ADGRB1: variants seen among roughly 807,000 people sequenced by gnomAD.
ADGRB1 encodes adhesion G protein-coupled receptor B1.
In ADGRB1, 36 loss-of-function variants were observed where a neutral mutation model predicts 175.7. The ratio of observed to expected loss-of-function variants is 0.20; its 90% CI spans 0.16 to 0.27. ADGRB1 has a LOEUF of 0.27. ADGRB1 is among the 10% of genes least tolerant of loss of function. The probability of loss-of-function intolerance (pLI) is 1.00; values close to 1 mark genes in which losing one functional copy is unlikely to be tolerated. For synonymous variants in ADGRB1, 1,054 were observed against 979.4 expected (o/e 1.08, Z -1.42); for missense variants, 1,731 against 2,255.3 (o/e 0.77, Z 4.71).
intron 2 of ADGRB1, among the ~76,000 whole-genome samples, chr8:142,466,991 CA>C (rs1407514683): frequency 2.0e-5 from 3 of 152,240 alleles, no homozygotes; most frequent in Non-Finnish European, 4.4e-5. Context: ...TTAGCAGCAT[CA>C]GGGGGCAGCA....
chr8:142,517,236 G>A (rs1394247806), intron 18 of ADGRB1, among the ~76,000 whole-genome samples: 4 of 152,124 alleles, frequency 2.6e-5, no homozygotes, highest in African/African-American at 7.2e-5. Context: ...TTTGGACAAC[G>A]CCCAGGGCAG....
chr8:142,481,185 C>T, intron 9 of ADGRB1, 69 bp from the exon 10 acceptor site: 1 of 1,455,870 alleles, frequency 6.9e-7, no homozygotes, highest in Non-Finnish European at 9.6e-7. Flanking sequence ...GGTCTGCTGC[C>T]AGGGGCCAAG....
intron 2 of ADGRB1, among the ~76,000 whole-genome samples, chr8:142,468,312 C>G (rs1194068538): frequency 6.6e-6 from 1 of 152,078 alleles, no homozygotes; most frequent in South Asian, 2.1e-4. Context: ...CTCTGTGCAG[C>G]GATTTTTGAC....
chr8:142,450,723 C>T (rs927476741), intron 1 of ADGRB1, among the ~76,000 whole-genome samples: 1 of 152,206 alleles, frequency 6.6e-6, no homozygotes, highest in Non-Finnish European at 1.5e-5. Context: ...GAAGCCCTCG[C>T]CTGTAGACCT....
chr8:142,484,868 A>AC (rs1172989342), intron 13 of ADGRB1, 104 bp downstream of exon 13: 3 of 899,434 alleles, frequency 3.3e-6, no homozygotes, highest in Non-Finnish European at 3.4e-6. Flanking sequence ...CAGTGACCAG[A>AC]CAGCCTTTGT....
intron 17 of ADGRB1, among the ~76,000 whole-genome samples, chr8:142,498,675 GACC>G (rs1842340114): frequency 6.6e-6 from 1 of 152,046 alleles, no homozygotes; most frequent in South Asian, 2.1e-4. Context: ...GGCAACTGGA[GACC>G]ACCAGCCACC....
chr8:142,464,874 G>T lies in ADGRB1; in HGVS notation c.676G>T (p.Gly226Ter). Residue 226 changes from glycine (G) to a stop codon, truncating the protein, a stop_gained, in exon 2 of 31, where the codon GGA (glycine) becomes TGA (stop). Transcript: ENST00000517894. LOFTEE classifies it high-confidence loss of function. Reference protein sequence around the residue: ...LGGEAGGPAAGPLAPRGDVCL... With the variant: ...LGGEAGGPAA ...CGGCGAGGCGGGCGGCCCTGCCGCG[G>T]GACCCCTGGCCCCCCGCGGGGATGT... is the stretch of plus-strand genomic sequence containing the variant. 6.6e-7 allele frequency: 1 copy of T among 1,521,890 alleles called. No individual in the cohort carries two copies. Among genetic ancestry groups the T allele is most frequent in the Non-Finnish European group, 8.8e-7 (1 of 1,140,498 alleles). The allele number at this position is 1,521,890 out of a possible 1,614,324, so 94.3% of individuals were successfully genotyped here.
intron 2 of ADGRB1, among the ~76,000 whole-genome samples, chr8:142,469,314 T>C (rs975037555): frequency 6.6e-6 from 1 of 151,324 alleles, no homozygotes; most frequent in Non-Finnish European, 1.5e-5. Flanking sequence ...TGTGTGAATG[T>C]AAATGTGTGC....
intron 2 of ADGRB1, among the ~76,000 whole-genome samples, chr8:142,469,595 G>GTA (rs1462795561): frequency 4.0e-5 from 6 of 150,572 alleles, no homozygotes; most frequent in African/African-American, 1.2e-4. Flanking sequence ...GTGAATGTGT[G>GTA]TGTGCACGTG....
At position 142,490,762 on chromosome 8, in the gene ADGRB1, T is replaced by C. The variant is rs1364807268; in HGVS notation, c.2632-10T>C. On this transcript the variant is annotated splice_polypyrimidine_tract_variant and intron_variant, in intron 16 of 30. Coordinates refer to ENST00000517894, the MANE Select transcript of ADGRB1 (RefSeq NM_001702.3). ...GCCAGGGGCCCTGACTCCTCTCCCC[T>C]CTCTCCCAGGGCACCACCAACCAGA... The C allele has an allele frequency of 9.5e-6, 15 of 1,574,002 alleles. No homozygotes were observed. Among genetic ancestry groups the C allele is most frequent in the Non-Finnish European group, 1.3e-5 (15 of 1,159,766 alleles).
chr8:142,459,422 C>T (rs769382415), intron 1 of ADGRB1, among the ~76,000 whole-genome samples: 3 of 152,174 alleles, frequency 2.0e-5, no homozygotes, highest in Non-Finnish European at 2.9e-5. Context: ...GCAGATACCA[C>T]AGCAGCTGCC....
intron 12 of ADGRB1, 119 bp from the exon 13 acceptor site, chr8:142,484,537 A>C: frequency 9.3e-7 from 1 of 1,074,544 alleles, no homozygotes; most frequent in East Asian, 2.7e-5. Context: ...CACCAGCCCC[A>C]CTTCCTCAAA....
chr8:142,475,886 G>A (rs1229764629), intron 3 of ADGRB1, among the ~76,000 whole-genome samples: 2 of 21,552 alleles, frequency 9.3e-5, no homozygotes, highest in Non-Finnish European at 2.5e-4. Flanking sequence ...TGAGAAGCAG[G>A]ACCTAAACTC....
At chr8:142,469,828 C>A (rs1009118755) in intron 2 of ADGRB1, among the ~76,000 whole-genome samples, 2 of 152,134 alleles carry the variant, frequency 1.3e-5, no homozygotes, top group Admixed American at 6.5e-5. Flanking sequence ...GCATGAGGAC[C>A]AGAGAGGCAG....
rs747915036 is a variant in ADGRB1, at chr8:142,489,320, C to T, written c.2529-16C>T. ...TGGGAGGGCTCCCCCGACACCTGTG[C>T]CTCTGGCTCTTGCAGGAACACGACC... On this transcript the variant is annotated splice_polypyrimidine_tract_variant and intron_variant, in intron 15 of 30. Coordinates refer to ENST00000517894, the MANE Select transcript of ADGRB1 (RefSeq NM_001702.3). The T allele has an allele frequency of 6.2e-7, 1 of 1,612,220 alleles. No individual in the cohort carries two copies. The highest frequency in any genetic ancestry group is 2.2e-5 in the East Asian group (1 of 44,872).
At chr8:142,521,040 G>A in intron 20 of ADGRB1, 115 bp downstream of exon 20, 1 of 1,030,962 alleles carries the variant, frequency 9.7e-7, no homozygotes, top group East Asian at 2.6e-5. Context: ...GCGGGTGTGG[G>A]GGCAGGAGGA....
At chr8:142,475,383 G>A (rs1587286358) in intron 2 of ADGRB1, 91 bp from the exon 3 acceptor site, 1 of 1,205,580 alleles carries the variant, frequency 8.3e-7, no homozygotes, top group Non-Finnish European at 1.0e-6. Flanking sequence ...CACCCGGGCC[G>A]GCCTCGGCGG....
intron 1 of ADGRB1, among the ~76,000 whole-genome samples, chr8:142,459,333 G>A (rs746946350): frequency 2.0e-5 from 3 of 152,198 alleles, no homozygotes; most frequent in Non-Finnish European, 4.4e-5. Flanking sequence ...CCTCCCAACC[G>A]AGGGGACCTG....
intron 26 of ADGRB1, among the ~76,000 whole-genome samples, chr8:142,538,824 C>G (rs1404905954): frequency 2.0e-5 from 3 of 152,212 alleles, no homozygotes; most frequent in South Asian, 2.1e-4. Flanking sequence ...GATGGGGCCC[C>G]CTTGGAGGGA....
Sources: gnomAD v4.1 joint callset for allele counts (sites outside exome capture counted in the v4.1 genomes callset) on GRCh38, gnomAD v4.1.1 for gene constraint, MANE v1.5 for transcripts, NCBI Gene and HGNC (gene_info 2026-07-23, HGNC 2026-07-21) for gene names.